TULP4: variants seen among roughly 807,000 people sequenced by gnomAD.
TULP4 encodes tubby-related protein 4.
TULP4 carries 16 observed loss-of-function variants against 129.0 expected under a neutral mutation model. That is an observed-to-expected ratio of 0.12 (90% CI 0.08 to 0.19). TULP4 has a LOEUF of 0.19. Ranked by LOEUF, TULP4 falls within the 10% of genes least tolerant of loss-of-function variation. The pLI is 1.00. For synonymous variants in TULP4, 998 were observed against 854.0 expected, an observed-to-expected ratio of 1.17 and a Z score of -2.94; for missense variants, 1,842 against 2,059.1, an observed-to-expected ratio of 0.89 and a Z score of 2.04.
chr6:158,337,563 G>A (rs1434846967), intron 1 of TULP4, among the ~76,000 whole-genome samples: 1 of 152,206 alleles, frequency 6.6e-6, no homozygotes, highest in South Asian at 2.1e-4. Context: ...TGTCACTAAA[G>A]CCCTGGCACT....
chr6:158,433,168 A>C (rs1398619030), intron 3 of TULP4, among the ~76,000 whole-genome samples: 7 of 152,118 alleles, frequency 4.6e-5, no homozygotes, highest in African/African-American at 1.7e-4. Flanking sequence ...TGACTTTTTC[A>C]TGAGGTCAGT....
chr6:158,324,524 TG>T (rs1176892557), intron 1 of TULP4, among the ~76,000 whole-genome samples: 2 of 152,220 alleles, frequency 1.3e-5, no homozygotes, highest in Non-Finnish European at 2.9e-5. Context: ...TAGACTCTGT[TG>T]GGCTTTGGCT....
At chr6:158,279,298 A>G (rs1043052265), upstream of TULP4, among the ~76,000 whole-genome samples, 4 of 152,150 alleles carry the variant, frequency 2.6e-5, no homozygotes, top group African/African-American at 7.2e-5. Flanking sequence ...TTCAGAACTT[A>G]AATTATATAT....
chr6:158,324,727 A>G (rs1438830648), intron 1 of TULP4, among the ~76,000 whole-genome samples: 1 of 152,146 alleles, frequency 6.6e-6, no homozygotes, highest in East Asian at 1.9e-4. Context: ...ACAGCTTTGT[A>G]TTAATATCCT....
rs1371713931 is a variant in TULP4 at position 158,413,307 on chromosome 6, G to A, written c.381+114G>A. 8.9e-6 allele frequency: 11 copies of A among 1,235,210 alleles called. No homozygotes were observed. The highest frequency in any genetic ancestry group is 1.1e-5 in the Non-Finnish European group (10 of 925,324). The allele number at this position is 1,235,210 out of a possible 1,614,324, so 76.5% of individuals were successfully genotyped here. On this transcript the variant is annotated intron_variant, in intron 2 of 13. Coordinates refer to ENST00000367097, the MANE Select transcript of TULP4 (RefSeq NM_020245.5). The surrounding 1 kb of genome is among the most constrained non-coding windows in gnomAD (Gnocchi z 4.9). ...ACAGCGCCACGTGCTCCAGAGCTGG[G>A]GGAAGAGAAATCAATCAAATTAGAA... is the stretch of plus-strand genomic sequence containing the variant.
chr6:158,452,091 G>A, intron 4 of TULP4, 43 bp from the exon 5 acceptor site: 2 of 1,603,456 alleles, frequency 1.2e-6, no homozygotes, highest in Middle Eastern at 1.7e-4. Context: ...GGATTTGGGT[G>A]GTGTGCTTCC....
intron 6 of TULP4, among the ~76,000 whole-genome samples, chr6:158,467,497 G>C (rs1779580051): frequency 6.6e-6 from 1 of 151,862 alleles, no homozygotes; most frequent in South Asian, 2.1e-4. Context: ...TGGCCAGGCT[G>C]GTCTTGAACT....
chr6:158,446,625 G>A (rs1322658340), intron 3 of TULP4, among the ~76,000 whole-genome samples: 1 of 152,152 alleles, frequency 6.6e-6, no homozygotes, highest in Non-Finnish European at 1.5e-5. Context: ...CAAAGCTGAT[G>A]TGGTTCAGGT....
intron 1 of TULP4, among the ~76,000 whole-genome samples, chr6:158,333,756 A>G (rs943321658): frequency 1.3e-5 from 2 of 152,242 alleles, no homozygotes; most frequent in African/African-American, 2.4e-5. Flanking sequence ...CATAAAATAA[A>G]TGCAGGTACT....
At chr6:158,439,846 G>A (rs1489624459) in intron 3 of TULP4, among the ~76,000 whole-genome samples, 14 of 150,838 alleles carry the variant, frequency 9.3e-5, no homozygotes, top group African/African-American at 3.4e-4. Context: ...CGAGTAGCTG[G>A]GACTACAGGC....
At chr6:158,335,180 G>A (rs576514407) in intron 1 of TULP4, among the ~76,000 whole-genome samples, 1 of 151,596 alleles carries the variant, frequency 6.6e-6, no homozygotes, top group East Asian at 1.9e-4. Context: ...GGGAGGCTGA[G>A]GAAGGAGAAT....
At chr6:158,455,946 G>A (rs635492) in intron 5 of TULP4, among the ~76,000 whole-genome samples, 63,463 of 151,830 alleles carry the variant, frequency 0.42, 14,547 homozygotes, top group African/African-American at 0.62. Flanking sequence ...GTATTAATGT[G>A]AATAAGCATA....
Position 158,503,007 on chromosome 6 carries a change from C to T in TULP4, c.3344C>T (p.Thr1115Ile), listed in dbSNP as rs760293108. The T allele has an allele frequency of 6.2e-7, 1 of 1,614,082 alleles. No individual in the cohort carries two copies. The highest frequency in any genetic ancestry group is 8.5e-7 in the Non-Finnish European group (1 of 1,180,004). ...RHPPLPEAAV[T>I]LKRPPPYQWD... ...CCTCCCCTGCCTGAAGCTGCTGTCACCCTGAAACGGCCACCCCCTTACCAG... is the reference window on the plus strand; with the variant it reads ...CCTCCCCTGCCTGAAGCTGCTGTCATCCTGAAACGGCCACCCCCTTACCAG... Residue 1115 changes from threonine to isoleucine, a missense_variant, in exon 13 of 14, where the codon ACC (threonine) becomes ATC (isoleucine). Coordinates refer to ENST00000367097, the MANE Select transcript of TULP4 (RefSeq NM_020245.5). The surrounding 1 kb of genome is among the most constrained non-coding windows in gnomAD (Gnocchi z 4.3).
At chr6:158,241,742 G>T (rs1777919628) in intron 1 of TULP4, 1 of 412,046 alleles carries the variant, frequency 2.4e-6, no homozygotes, top group Non-Finnish European at 4.7e-6. Context: ...CTACAGGCAC[G>T]CACCATCACG....
At position 158,511,739 on chromosome 6, in the gene TULP4, G is replaced by T. The variant is rs1240847776; in HGVS notation, c.*5045G>T. On this transcript the variant is annotated 3_prime_UTR_variant, in exon 14 of 14. Transcript: ENST00000367097. ...AGTTATTTTCTGTCTTTATTACTGA[G>T]ACGGATTAATCTCCTTATTTTTTTC... 4 of 152,204 alleles carry T rather than the reference G, an allele frequency of 2.6e-5. No homozygotes were observed. The highest frequency in any genetic ancestry group is 4.8e-5 in the African/African-American group (2 of 41,448). The allele number at this position is 152,204 out of a possible 1,614,324, so 9.4% of individuals were successfully genotyped here. A position where few individuals can be genotyped will look rare whatever the true frequency, so the allele number is the denominator to read the frequency against.
chr6:158,505,630 G>A (rs1486708623), intron 13 of TULP4, among the ~76,000 whole-genome samples: 1 of 152,276 alleles, frequency 6.6e-6, no homozygotes, highest in Non-Finnish European at 1.5e-5. Flanking sequence ...AGGCGGATGA[G>A]TGCAGCCCGT....
intron 3 of TULP4, among the ~76,000 whole-genome samples, chr6:158,430,416 A>G (rs1778602072): frequency 6.6e-6 from 1 of 152,240 alleles, no homozygotes; most frequent in Non-Finnish European, 1.5e-5. Flanking sequence ...ATGAGAAAAT[A>G]ACATATAATA....
At chr6:158,468,039 C>T (rs1376303797) in intron 6 of TULP4, among the ~76,000 whole-genome samples, 1 of 152,224 alleles carries the variant, frequency 6.6e-6, no homozygotes, top group African/African-American at 2.4e-5. Flanking sequence ...CACTGACACA[C>T]AGATACTCTG....
intron 8 of TULP4, among the ~76,000 whole-genome samples, chr6:158,489,198 G>C (rs13195214): frequency 0.6 from 90,521 of 152,096 alleles, 27,255 homozygotes; most frequent in African/African-American, 0.69. Context: ...GTCAGAAGCA[G>C]GTTCTCAGGG....
Sources: gnomAD v4.1 joint callset for allele counts (sites outside exome capture counted in the v4.1 genomes callset) on GRCh38, gnomAD v4.1.1 for gene constraint, Gnocchi (gnomAD v3.1) non-coding constraint, MANE v1.5 for transcripts, NCBI Gene and HGNC (gene_info 2026-07-23, HGNC 2026-07-21) for gene names.